The following OTOG variants were observed in gnomAD, a reference collection of about 807,000 sequenced individuals.
The protein encoded by OTOG is otogelin.
In OTOG, 296 loss-of-function variants were observed where a neutral mutation model predicts 313.8. The observed-to-expected ratio is 0.94, with a 90% CI of 0.86 to 1.04. The LOEUF (loss-of-function observed/expected upper bound fraction) is 1.04. Ranked by LOEUF, OTOG falls within the 50% of genes least tolerant of loss-of-function variation. The pLI is 0.00. For missense variants in OTOG, 3,948 were observed against 3,840.1 expected (o/e 1.03, Z -0.74); for synonymous variants, 1,533 against 1,554.9 (o/e 0.99, Z 0.33).
intron 32 of OTOG, among the ~76,000 whole-genome samples, chr11:17,604,529 C>T (rs772015087): frequency 1.3e-5 from 2 of 152,222 alleles, no homozygotes; most frequent in Admixed American, 6.5e-5. Flanking sequence ...CCCTGCCTCC[C>T]TCATCCGCCG....
At position 17,610,220 on chromosome 11, in the gene OTOG, A is replaced by G; in HGVS notation, c.4920A>G (p.Thr1640=). The part of the protein sequence containing the change: ...VRTTPPQPSL[T]ASPSSRPVAS... ...CGACACCCCCACAGCCCTCCTTGAC[A>G]GCAAGTCCCTCCTCCAGACCTGTGG... is the stretch of plus-strand genomic sequence containing the variant. Residue 1640 remains threonine, a synonymous_variant, in exon 36 of 56, where the codon ACA becomes ACG. Coordinates refer to ENST00000399397, the MANE Select transcript of OTOG (RefSeq NM_001292063.2). 2.6e-6 allele frequency: 4 copies of G among 1,550,374 alleles called. No individual in the cohort carries two copies. The highest frequency in any genetic ancestry group is 3.5e-6 in the Non-Finnish European group (4 of 1,146,856).
At chr11:17,619,776 A>G (rs930390181) in intron 39 of OTOG, among the ~76,000 whole-genome samples, 2 of 152,228 alleles carry the variant, frequency 1.3e-5, no homozygotes, top group African/African-American at 4.8e-5. Flanking sequence ...TTAAGCAGTT[A>G]TCTTCTAAAG....
rs115997772 is a variant in OTOG, at chr11:17,623,155, A to G, written c.6529-5978A>G. 9.3e-3 allele frequency among the ~76,000 whole-genome samples: 1,414 copies of G among 152,142 alleles called. 21 individuals carry two copies. Among genetic ancestry groups the G allele is most frequent in the African/African-American group, 0.033 (1,349 of 41,506 alleles). On this transcript the variant is annotated intron_variant, in intron 39 of 55. Transcript: ENST00000399397. ...GATGTCTTATTTTTTATTTTATTTT[A>G]TAACTTTTAAGTTCAGGGGTACATG...
At chr11:17,554,574 TG>T (rs1360357785) in intron 6 of OTOG, among the ~76,000 whole-genome samples, 2 of 152,172 alleles carry the variant, frequency 1.3e-5, no homozygotes, top group Non-Finnish European at 2.9e-5. Flanking sequence ...GTCAAGGGGT[TG>T]GGGGTGTGGG....
intron 18 of OTOG, among the ~76,000 whole-genome samples, chr11:17,572,526 C>T (rs1011303867): frequency 3.3e-5 from 5 of 152,236 alleles, no homozygotes; most frequent in African/African-American, 1.2e-4. Flanking sequence ...CTACTCTCAC[C>T]GCCCTCTGCT....
intron 23 of OTOG, among the ~76,000 whole-genome samples, chr11:17,583,580 T>C (rs10832809): frequency 0.3 from 45,480 of 152,062 alleles, 8,318 homozygotes; most frequent in African/African-American, 0.53. Flanking sequence ...AAACACTTTC[T>C]TCTCCCCATG....
intron 15 of OTOG, among the ~76,000 whole-genome samples, chr11:17,565,808 G>A (rs745439667): frequency 2.6e-5 from 4 of 152,060 alleles, no homozygotes; most frequent in Admixed American, 1.3e-4. Context: ...TCATTATTGC[G>A]TGTGTATATG....
At chr11:17,633,606 C>G (rs1854185636) in intron 42 of OTOG, 74 bp from the exon 43 acceptor site, 2 of 1,374,340 alleles carry the variant, frequency 1.5e-6, no homozygotes, top group African/African-American at 1.5e-5. Flanking sequence ...TCATCCCCTC[C>G]TGTTCTTTCG....
intron 31 of OTOG, 122 bp downstream of exon 31, chr11:17,599,819 G>C (rs1853204225): frequency 1.7e-6 from 2 of 1,179,886 alleles, no homozygotes; most frequent in Admixed American, 2.1e-5. Flanking sequence ...GACCCGGAAT[G>C]GGAGGGCCCC....
At chr11:17,615,079 C>A (rs569034410) in intron 39 of OTOG, among the ~76,000 whole-genome samples, 2 of 152,260 alleles carry the variant, frequency 1.3e-5, no homozygotes, top group Admixed American at 6.5e-5. Context: ...CAAATAGAAC[C>A]TCATTTTGGT....
At chr11:17,558,367 A>G (rs1170607207) in intron 9 of OTOG, 52 bp downstream of exon 9, 8 of 1,542,744 alleles carry the variant, frequency 5.2e-6, no homozygotes, top group East Asian at 2.5e-5. Context: ...CTTGCTATCC[A>G]ACTCTTCGAA....
intron 39 of OTOG, among the ~76,000 whole-genome samples, chr11:17,616,237 T>C (rs1005237453): frequency 6.6e-6 from 1 of 152,116 alleles, no homozygotes; most frequent in Admixed American, 6.5e-5. Context: ...TTTAATTTTG[T>C]ATAGAGATGG....
chr11:17,576,755 A>G, intron 21 of OTOG, 113 bp from the exon 22 acceptor site: 1 of 1,456,632 alleles, frequency 6.9e-7, no homozygotes, highest in African/African-American at 1.4e-5. Context: ...GGGAGGGGGA[A>G]GTGAGTGAGG....
intron 32 of OTOG, among the ~76,000 whole-genome samples, chr11:17,604,543 G>A (rs1381847874): frequency 2.6e-5 from 4 of 152,236 alleles, no homozygotes; most frequent in African/African-American, 9.6e-5. Context: ...TCCGCCGTCA[G>A]TGTGACTCTG....
In OTOG at chr11:17,596,161, G is replaced by A. The variant is rs1274001468; in HGVS notation, c.3525+7G>A. ...TGAGATCTGCCACCCTGTGGTGAGT[G>A]TACCCCAGCCTCGGCTCCTCCCGAG... On this transcript the variant is annotated splice_region_variant and intron_variant, in intron 29 of 55. Transcript: ENST00000399397. The A allele has an allele frequency of 1.9e-6, 3 of 1,542,032 alleles. No individual in the cohort carries two copies. The highest frequency in any genetic ancestry group is 3.9e-5 in the Admixed American group (2 of 50,968).
rs1049775862 is a variant in OTOG, at chr11:17,558,253, G to A, written c.934G>A (p.Gly312Arg). 1.8e-5 allele frequency: 28 copies of A among 1,550,566 alleles called. No homozygotes were observed. The highest frequency in any genetic ancestry group is 4.8e-5 in the South Asian group (4 of 84,062). ...WQEQAPNQPP[G>R]PTTSSLPRPP... ...GGAGCAGGCCCCTAACCAGCCTCCA[G>A]GGCCCACAACTTCCTCCCTGCCTCG... Residue 312 changes from glycine to arginine, a missense_variant, in exon 9 of 56, where the codon GGG (glycine) becomes AGG (arginine). Transcript: ENST00000399397.
At chr11:17,614,140 A>G (rs1328949291) in intron 39 of OTOG, among the ~76,000 whole-genome samples, 2 of 152,136 alleles carry the variant, frequency 1.3e-5, no homozygotes, top group East Asian at 3.9e-4. Flanking sequence ...CGGGGTATCC[A>G]ACAACAGCCC....
Position 17,610,843 on chromosome 11 carries a change from T to C in OTOG, c.5543T>C (p.Val1848Ala), listed in dbSNP as rs779239300. 4 of 1,550,772 alleles carry C rather than the reference T, an allele frequency of 2.6e-6. No individual in the cohort carries two copies. Among genetic ancestry groups the C allele is most frequent in the South Asian group, 1.2e-5 (1 of 84,058 alleles). Residue 1848 changes from valine (V) to alanine (A), a missense_variant, in exon 36 of 56, where the codon GTA (valine) becomes GCA (alanine). By Grantham distance (64) the Val-to-Ala change is moderately conservative. Coordinates refer to ENST00000399397, the MANE Select transcript of OTOG (RefSeq NM_001292063.2). ...TTLPAQTLSP[V>A]LPFTPAAMTQ... The stretch of plus-strand genomic sequence containing the variant: ...CTGCCTGCTCAGACACTTAGCCCAG[T>C]ACTGCCTTTCACTCCAGCAGCAATG...
Position 17,611,126 on chromosome 11 carries a change from C to T in OTOG, c.5826C>T (p.Leu1942=), listed in dbSNP as rs1480023349. Residue 1942 remains leucine (L), a synonymous_variant, in exon 36 of 56, where the codon CTC becomes CTT. Coordinates refer to ENST00000399397, the MANE Select transcript of OTOG (RefSeq NM_001292063.2). ...TELTPATSHP[L]TPLVAEPEGA... is the part of the protein sequence containing the mutation. ...TCACGCCTGCTACGAGCCACCCTCT[C>T]ACGCCCTTGGTGGCTGAGCCCGAGG... 1.9e-6 allele frequency: 3 copies of T among 1,550,446 alleles called. No homozygotes were observed.
Sources: allele counts gnomAD v4.1 joint callset (sites outside exome capture counted in the v4.1 genomes callset), GRCh38; gene constraint gnomAD v4.1.1; transcripts MANE v1.5; gene names NCBI Gene and HGNC (gene_info 2026-07-23, HGNC 2026-07-21).